The following DDX18 variants were observed in gnomAD, a reference collection of about 807,000 sequenced individuals.
The protein encoded by DDX18 is DEAD-box helicase 18, also known as ATP-dependent RNA helicase DDX18.
In DDX18, 23 loss-of-function variants were observed where a neutral mutation model predicts 73.5. That is an observed-to-expected ratio of 0.31 (90% confidence interval 0.23 to 0.44). The LOEUF is 0.44. DDX18 is among the 20% of genes least tolerant of loss of function. DDX18 has a pLI of 1.00. For synonymous variants in DDX18, 268 were observed against 282.7 expected, an observed-to-expected ratio of 0.95 and a Z score of 0.52; for missense variants, 753 against 792.9, an observed-to-expected ratio of 0.95 and a Z score of 0.60.
Position 117,821,276 on chromosome 2 carries a change from C to T in DDX18, c.630C>T (p.Ile210=). The T allele has an allele frequency of 1.2e-6, 2 of 1,607,754 alleles. No individual in the cohort carries two copies. The highest frequency in any genetic ancestry group is 1.7e-6 in the Non-Finnish European group (2 of 1,178,234). Residue 210 remains isoleucine, a synonymous_variant, in exon 4 of 14, where the codon ATC becomes ATT. Coordinates refer to ENST00000263239, the MANE Select transcript of DDX18 (RefSeq NM_006773.4). The stretch of plus-strand genomic sequence containing the variant: ...TGACTGAAATTCAGCATAAAAGTAT[C>T]AGACCACTTCTGGAAGGCAGGTATG... ...TNMTEIQHKS[I]RPLLEGRDLL... is the part of the protein sequence containing the mutation.
chr2:117,829,179 CT>C (rs1679980306), intron 12 of DDX18, 109 bp from the exon 13 acceptor site: 3 of 1,260,958 alleles, frequency 2.4e-6, no homozygotes, highest in Non-Finnish European at 2.2e-6. Flanking sequence ...TCTGTGCCCT[CT>C]TTAAATGTTT....
rs200980150 is a variant in DDX18 at position 117,819,653 on chromosome 2, G to A, written c.375G>A (p.Thr125=). The change falls in exon 3 of 14, where the codon ACG becomes ACA. Residue 125 remains threonine, a synonymous_variant. Coordinates refer to ENST00000263239, the MANE Select transcript of DDX18 (RefSeq NM_006773.4). ...TTTTGTCTTTTAAAACCAAAGATAC[G>A]AAAAAAGCAAAAACTGAAAACAAAG... ...RKMVNDAEPD[T]KKAKTENKGK... 62 of 1,574,298 alleles carry A rather than the reference G, an allele frequency of 3.9e-5. No homozygotes were observed. Among genetic ancestry groups the A allele is most frequent in the African/African-American group, 6.9e-5 (5 of 72,376 alleles).
chr2:117,827,955 T>A (rs1017166708), intron 11 of DDX18: 5 of 152,200 alleles, frequency 3.3e-5, no homozygotes, highest in Non-Finnish European at 7.3e-5. Flanking sequence ...AGTGTAAAAG[T>A]GTTCCTGTTT....
chr2:117,825,794 A>G (rs1679916866), intron 10 of DDX18, 195 bp downstream of exon 10: 8 of 567,344 alleles, frequency 1.4e-5, no homozygotes, highest in Non-Finnish European at 2.4e-5. Flanking sequence ...GAGGATTGAA[A>G]AGGATCAGTG....
At chr2:117,822,311 G>A (rs1573411233) in intron 7 of DDX18, 50 bp downstream of exon 7, 3 of 1,427,732 alleles carry the variant, frequency 2.1e-6, no homozygotes, top group Non-Finnish European at 2.9e-6. Context: ...GTTGGAGGTA[G>A]ATAAGAGTTG....
intron 1 of DDX18, among the ~76,000 whole-genome samples, chr2:117,816,577 C>G (rs1558731130): frequency 6.6e-6 from 1 of 152,064 alleles, no homozygotes; most frequent in Admixed American, 6.6e-5. Context: ...TTCTAAAATA[C>G]CTCTCTCCCT....
rs563266461 is a variant in DDX18, at chr2:117,826,223, A to T, written c.1522-46A>T. The T allele has an allele frequency of 1.9e-6, 3 of 1,548,044 alleles. No individual in the cohort carries two copies. The East Asian group carries it at 6.8e-5, about 35-fold the overall frequency. ...AGGATGCAGATACGCAAATGGGCTC[A>T]TGTGGAAGTCACTGCGTTAACTCAG... is the stretch of plus-strand genomic sequence containing the variant. On this transcript the variant is annotated intron_variant, in intron 10 of 13. Transcript: ENST00000263239.
In DDX18 at chr2:117,824,626, C is replaced by G; in HGVS notation, c.1124C>G (p.Ala375Gly). 1 of 1,500,206 alleles carries G rather than the reference C, an allele frequency of 6.7e-7. No individual in the cohort carries two copies. The allele number at this position is 1,500,206 out of a possible 1,614,324, so 92.9% of individuals were successfully genotyped here. A position where few individuals can be genotyped will look rare whatever the true frequency, so the allele number is the denominator to read the frequency against. Reference protein sequence around the residue: ...ATQTRKVEDLARISLKKEPLY... With the variant: ...ATQTRKVEDLGRISLKKEPLY... ...CAAACTCGAAAAGTTGAAGACCTGG[C>G]AAGGATTTCTCTGAAAAAGGAGCCA... Residue 375 changes from alanine (A) to glycine (G), a missense_variant, in exon 8 of 14, where the codon GCA becomes GGA. Ala to Gly is a moderately conservative substitution (Grantham distance 60). Coordinates refer to ENST00000263239, the MANE Select transcript of DDX18 (RefSeq NM_006773.4).
At chr2:117,825,359 A>AGT (rs1679907821) in intron 9 of DDX18, 88 bp from the exon 10 acceptor site, 5 of 1,394,194 alleles carry the variant, frequency 3.6e-6, no homozygotes, top group Non-Finnish European at 4.7e-6. Context: ...ATGAGCTCGA[A>AGT]ATAGGGTAAC....
At chr2:117,828,831 A>G (rs1679975074) in intron 11 of DDX18, 118 bp from the exon 12 acceptor site, 2 of 711,446 alleles carry the variant, frequency 2.8e-6, no homozygotes, top group African/African-American at 1.8e-5. Flanking sequence ...GAAAAAGCAG[A>G]TTTTCCTTTC....
In DDX18 at chr2:117,821,221, A is replaced by G. The variant is rs1358104249; in HGVS notation, c.575A>G (p.Lys192Arg). Residue 192 changes from lysine (K) to arginine (R), a missense_variant, in exon 4 of 14, where the codon AAG becomes AGG. Around this residue, in one of 3 missense-constraint regions of DDX18, gnomAD observed 345 missense variants for 352.0 expected, o/e 0.98. Transcript: ENST00000263239. ...AATCTTGTCAATGAAAACACTCTGA[A>G]GGCAATAAAAGAAATGGGTTTTACA... is the stretch of plus-strand genomic sequence containing the variant. Reference protein sequence around the residue: ...LCNLVNENTLKAIKEMGFTNM... With the variant: ...LCNLVNENTLRAIKEMGFTNM... 1 of 1,611,696 alleles carries G rather than the reference A, an allele frequency of 6.2e-7. No homozygotes were observed. Among genetic ancestry groups the G allele is most frequent in the Non-Finnish European group, 8.5e-7 (1 of 1,178,996 alleles).
At chr2:117,825,167 T>G (rs2104624492) in intron 9 of DDX18, 66 bp downstream of exon 9, 2 of 1,534,534 alleles carry the variant, frequency 1.3e-6, no homozygotes, top group Non-Finnish European at 1.8e-6. Context: ...ATTGTAGGAT[T>G]GGAGGTATTG....
chr2:117,829,306 A>G lies in DDX18; in HGVS notation c.1710A>G (p.Glu570=). The change falls in exon 13 of 14, where the codon GAA becomes GAG. Residue 570 remains glutamate, a synonymous_variant. Transcript: ENST00000263239. ...DIQSQLEKLI[E]KNYFLHKSAQ... ...TATTTCAGCTTGAGAAATTGATTGA[A>G]AAGAATTACTTTCTTCATAAGTCAG... 6.3e-7 allele frequency: 1 copy of G among 1,590,860 alleles called. No individual in the cohort carries two copies. Among genetic ancestry groups the G allele is most frequent in the Non-Finnish European group, 8.5e-7 (1 of 1,172,352 alleles).
rs1270196873 is a variant in DDX18 at position 117,830,433 on chromosome 2, T to C, written c.1871-149T>C. 3.0e-6 allele frequency: 3 copies of C among 990,632 alleles called. No homozygotes were observed. The East Asian group carries it at 8.7e-5, about 29-fold the overall frequency. 61.4% of individuals were successfully genotyped at this position (990,632 alleles called of 1,614,324 possible). ...GGCCACTCCTAATTTTCTGGAAATT[T>C]ATTGCATAGGCTTATGTTCCCACAT... On this transcript the variant is annotated intron_variant, in intron 13 of 13. Coordinates refer to ENST00000263239, the MANE Select transcript of DDX18 (RefSeq NM_006773.4).
At chr2:117,820,374 G>C (rs796451769) in intron 3 of DDX18, among the ~76,000 whole-genome samples, 9 of 152,308 alleles carry the variant, frequency 5.9e-5, no homozygotes, top group African/African-American at 1.9e-4. Context: ...AACTTTAACA[G>C]TTTTAGCACT....
chr2:117,829,168 C>T, intron 12 of DDX18, 121 bp from the exon 13 acceptor site: 1 of 1,186,930 alleles, frequency 8.4e-7, no homozygotes, highest in South Asian at 1.5e-5. Flanking sequence ...GTTATCACCA[C>T]TCTGTGCCCT....
chr2:117,822,295 G>C, intron 7 of DDX18, 34 bp downstream of exon 7: 3 of 1,523,878 alleles, frequency 2.0e-6, no homozygotes, highest in Non-Finnish European at 1.8e-6. Context: ...GGTTTGCAAA[G>C]TATCTGTTGG....
In DDX18 at chr2:117,814,765, CTTG is replaced by C. The variant is rs1679725420; in HGVS notation, c.-9_-7del. 5.0e-6 allele frequency: 8 copies of C among 1,614,012 alleles called. No individual in the cohort carries two copies. Among genetic ancestry groups the C allele is most frequent in the Non-Finnish European group, 6.8e-6 (8 of 1,180,000 alleles). ...ACTGTGTGGCGCCTTATTCTAGGCA[CTTG>C]TTGGGCAGAATGTCACACCTGCCGA... On this transcript the variant is annotated 5_prime_UTR_variant, in exon 1 of 14. Coordinates refer to ENST00000263239, the MANE Select transcript of DDX18 (RefSeq NM_006773.4).
At chr2:117,816,016 T>C (rs375967586) in intron 1 of DDX18, among the ~76,000 whole-genome samples, 1 of 152,214 alleles carries the variant, frequency 6.6e-6, no homozygotes, top group Non-Finnish European at 1.5e-5. Flanking sequence ...GGTAAGTGTA[T>C]GTATGGCTAA....
Sources: gnomAD v4.1 joint callset for allele counts (sites outside exome capture counted in the v4.1 genomes callset) on GRCh38, gnomAD v4.1.1 for gene constraint, gnomAD v4.1.1 regional missense constraint, MANE v1.5 for transcripts, NCBI Gene and HGNC (gene_info 2026-07-23, HGNC 2026-07-21) for gene names.